The following TRPM7 variants were observed in gnomAD, a reference collection of about 807,000 sequenced individuals.
TRPM7 encodes LTRPC ion channel family member 7.
Under a neutral mutation model 229.7 loss-of-function variants are expected in TRPM7, and 134 were observed. That is an observed-to-expected ratio of 0.58 (90% CI 0.51 to 0.67). The LOEUF (loss-of-function observed/expected upper bound fraction) is 0.67, where lower values mean the gene tolerates loss of function less well. Among genes scored for constraint, TRPM7 ranks in the 30% least tolerant of loss-of-function variants. TRPM7 has a pLI of 0.00. For synonymous variants in TRPM7, 699 were observed against 715.2 expected, an observed-to-expected ratio of 0.98 and a Z score of 0.36; for missense variants, 1,901 against 2,210.0, an observed-to-expected ratio of 0.86 and a Z score of 2.80.
In TRPM7 at chr15:50,654,954, C is replaced by T. The variant is rs567163148; in HGVS notation, c.122+2827G>A. Among the ~76,000 whole-genome samples, 11 of 142,660 alleles carry T rather than the reference C, an allele frequency of 7.7e-5. No individual in the cohort carries two copies. The South Asian group carries it at 1.8e-3, about 23-fold the overall frequency. The allele number at this position is 142,660 out of a possible 152,430, so 93.6% of individuals were successfully genotyped here. ...ATGCAGAGCTTGCAGTGAGCTGAGACTGCGCCACTGCACTCCAGCGTGGGC... is the reference window on the plus strand; with the variant it reads ...ATGCAGAGCTTGCAGTGAGCTGAGATTGCGCCACTGCACTCCAGCGTGGGC... On this transcript the variant is annotated intron_variant, in intron 3 of 38. Coordinates refer to ENST00000646667, the MANE Select transcript of TRPM7 (RefSeq NM_017672.6).
rs1041497036 is a variant in TRPM7 at position 50,559,617 on chromosome 15, G to A, written c.*2061C>T. On this transcript the variant is annotated 3_prime_UTR_variant, in exon 39 of 39. Transcript: ENST00000646667. ...ATTAAATAAACGTAAGAATCTTATG[G>A]ACGTTACTTTACCTCTCTAGCACCT... 1.3e-5 allele frequency: 2 copies of A among 152,152 alleles called. No homozygotes were observed. Among genetic ancestry groups the A allele is most frequent in the African/African-American group, 4.8e-5 (2 of 41,414 alleles). 9.4% of individuals were successfully genotyped at this position (152,152 alleles called of 1,614,324 possible). A position where few individuals can be genotyped will look rare whatever the true frequency, so the allele number is the denominator to read the frequency against.
chr15:50,584,616 G>GTTTT (rs78772652), intron 28 of TRPM7, among the ~76,000 whole-genome samples: 2 of 133,908 alleles, frequency 1.5e-5, no homozygotes, highest in Non-Finnish European at 3.2e-5. Flanking sequence ...TCAGATTTCT[G>GTTTT]TTTTTTTTTT....
chr15:50,655,000 C>CAAAAAAA (rs35388005), intron 3 of TRPM7, among the ~76,000 whole-genome samples: 2 of 69,432 alleles, frequency 2.9e-5, no homozygotes, highest in African/African-American at 5.8e-5. Flanking sequence ...CACTCCGTCT[C>CAAAAAAA]AAAAAAAAAA....
At chr15:50,677,883 T>G (rs1172216469) in intron 1 of TRPM7, among the ~76,000 whole-genome samples, 1 of 151,046 alleles carries the variant, frequency 6.6e-6, no homozygotes, top group African/African-American at 2.4e-5. Flanking sequence ...GTAATCAAAT[T>G]AAAAGAAATT....
chr15:50,590,824 T>TA (rs1566966624), intron 26 of TRPM7, among the ~76,000 whole-genome samples: 2 of 112,030 alleles, frequency 1.8e-5, no homozygotes, highest in Non-Finnish European at 2.0e-5. Flanking sequence ...ACTCCGTCTT[T>TA]TAAAAAAAAA....
At chr15:50,642,996 T>G (rs756036165) in intron 5 of TRPM7, among the ~76,000 whole-genome samples, 2 of 152,158 alleles carry the variant, frequency 1.3e-5, no homozygotes, top group Non-Finnish European at 2.9e-5. Flanking sequence ...ATTGCTATTA[T>G]AAAAAAATTT....
chr15:50,598,269 G>A (rs137949240), intron 22 of TRPM7, among the ~76,000 whole-genome samples: 1 of 152,192 alleles, frequency 6.6e-6, no homozygotes, highest in Admixed American at 6.5e-5. Flanking sequence ...ACTGAAAGCT[G>A]ACAGCATCAC....
At chr15:50,579,263 A>G (rs1197398909) in intron 30 of TRPM7, among the ~76,000 whole-genome samples, 5 of 152,310 alleles carry the variant, frequency 3.3e-5, no homozygotes, top group Admixed American at 2.6e-4. Context: ...AATAAAGGAA[A>G]ACGGGTTAGA....
chr15:50,647,291 C>T (rs187075187), intron 4 of TRPM7, among the ~76,000 whole-genome samples: 245 of 152,140 alleles, frequency 1.6e-3, no homozygotes, highest in Middle Eastern at 6.8e-3. Flanking sequence ...CCACCACGCC[C>T]GACTAATTTT....
At chr15:50,611,827 G>C (rs28464149) in intron 16 of TRPM7, among the ~76,000 whole-genome samples, 3,115 of 152,282 alleles carry the variant, frequency 0.02, 122 homozygotes, top group African/African-American at 0.072. Context: ...GGGAGCCGGA[G>C]GTCTTAGTAT....
intron 5 of TRPM7, 72 bp downstream of exon 5, chr15:50,643,268 A>C (rs2061159767): frequency 7.8e-7 from 1 of 1,284,376 alleles, no homozygotes; most frequent in Non-Finnish European, 1.1e-6. Context: ...CAGCCTGGCA[A>C]CAGAGTGAGA....
At chr15:50,626,879 T>C (rs1266555081) in intron 11 of TRPM7, among the ~76,000 whole-genome samples, 1 of 152,138 alleles carries the variant, frequency 6.6e-6, no homozygotes, top group Admixed American at 6.5e-5. Flanking sequence ...ATGAATCCCA[T>C]GTTAACAGTT....
intron 12 of TRPM7, among the ~76,000 whole-genome samples, chr15:50,621,436 T>C (rs910888858): frequency 2.6e-5 from 4 of 152,182 alleles, no homozygotes; most frequent in African/African-American, 9.7e-5. Context: ...TAATAAATAA[T>C]AAATGTACTT....
chr15:50,576,699 A>C (rs1162554235), intron 31 of TRPM7, among the ~76,000 whole-genome samples: 1 of 152,232 alleles, frequency 6.6e-6, no homozygotes, highest in African/African-American at 2.4e-5. Flanking sequence ...ATGTGTCATC[A>C]TAGAAATGAT....
intron 13 of TRPM7, among the ~76,000 whole-genome samples, chr15:50,615,693 T>C (rs137938274): frequency 9.9e-4 from 151 of 152,178 alleles, no homozygotes; most frequent in African/African-American, 3.4e-3. Flanking sequence ...GTCAGGAGTT[T>C]GAGACTATCC....
At chr15:50,578,455 G>T in intron 31 of TRPM7, 184 bp downstream of exon 31, 1 of 420,318 alleles carries the variant, frequency 2.4e-6, no homozygotes, top group Non-Finnish European at 4.2e-6. Flanking sequence ...CATTCACAGG[G>T]TGATTCGTGT....
intron 1 of TRPM7, 41 bp downstream of exon 1, chr15:50,686,490 C>G (rs1364335028): frequency 6.2e-7 from 1 of 1,614,128 alleles, no homozygotes; most frequent in Non-Finnish European, 8.5e-7. Context: ...CGCCCGCAAC[C>G]CCAGAACCAT....
At chr15:50,646,613 C>G (rs895732998) in intron 4 of TRPM7, among the ~76,000 whole-genome samples, 2 of 152,114 alleles carry the variant, frequency 1.3e-5, no homozygotes, top group Non-Finnish European at 2.9e-5. Context: ...TAAATAATAA[C>G]TGTTTTAGGG....
chr15:50,606,550 G>A (rs1341376196), intron 20 of TRPM7, among the ~76,000 whole-genome samples: 2 of 151,970 alleles, frequency 1.3e-5, no homozygotes, highest in Non-Finnish European at 2.9e-5. Flanking sequence ...CCAGGCTGGA[G>A]TGCAGTGGTG....
Sources: gnomAD v4.1 joint callset for allele counts (sites outside exome capture counted in the v4.1 genomes callset) on GRCh38, gnomAD v4.1.1 for gene constraint, MANE v1.5 for transcripts, NCBI Gene and HGNC (gene_info 2026-07-23, HGNC 2026-07-21) for gene names.